INPP4B: variants seen among roughly 807,000 people sequenced by gnomAD.
The protein encoded by INPP4B is inositol polyphosphate-4-phosphatase type II B, also known as inositol polyphosphate 4-phosphatase type II.
A neutral mutation model predicts 122.5 loss-of-function variants in INPP4B; 55 were observed. The observed-to-expected ratio is 0.45, with a 90% confidence interval of 0.36 to 0.56. The LOEUF (loss-of-function observed/expected upper bound fraction) is 0.56, where lower values mean the gene tolerates loss of function less well. Ranked by LOEUF, INPP4B falls within the 20% of genes least tolerant of loss-of-function variation. INPP4B has a pLI of 0.00. For synonymous variants in INPP4B, 403 were observed against 388.7 expected (o/e 1.04, Z -0.43); for missense variants, 1,000 against 1,097.7 (o/e 0.91, Z 1.26).
rs998151913 is a variant in INPP4B, at chr4:142,260,461, G to C, written c.688+31C>G. On this transcript the variant is annotated intron_variant, in intron 11 of 25. Transcript: ENST00000262992. Reference sequence around the variant, plus strand: ...ATAAAATTAAAATTCATTTTTGCATGAAACTAAGTATTTAAAACTGAGTTA... The same window carrying C: ...ATAAAATTAAAATTCATTTTTGCATCAAACTAAGTATTTAAAACTGAGTTA... The C allele has an allele frequency of 4.7e-6, 6 of 1,289,662 alleles. No individual in the cohort carries two copies. The African/African-American group carries it at 8.9e-5, about 19-fold the overall frequency. The allele number at this position is 1,289,662 out of a possible 1,614,324, so 79.9% of individuals were successfully genotyped here.
intron 25 of INPP4B, among the ~76,000 whole-genome samples, chr4:142,046,684 TTACTC>T (rs1286727496): frequency 1.3e-5 from 2 of 152,092 alleles, no homozygotes; most frequent in Non-Finnish European, 2.9e-5. Context: ...AATTTTAAAA[TTACTC>T]TGTATGTACT....
chr4:142,404,222 T>C (rs577634392), intron 6 of INPP4B, among the ~76,000 whole-genome samples: 1 of 152,292 alleles, frequency 6.6e-6, no homozygotes, highest in African/African-American at 2.4e-5. Flanking sequence ...ATCTGGGTCA[T>C]TCCCATTATA....
intron 16 of INPP4B, among the ~76,000 whole-genome samples, chr4:142,167,818 T>A (rs1318072371): frequency 6.6e-6 from 1 of 151,690 alleles, no homozygotes; most frequent in Non-Finnish European, 1.5e-5. Flanking sequence ...CCTATTCTTT[T>A]GTGTACATTC....
At chr4:142,187,782 G>T (rs994450556) in intron 15 of INPP4B, among the ~76,000 whole-genome samples, 6 of 152,104 alleles carry the variant, frequency 3.9e-5, no homozygotes, top group African/African-American at 1.4e-4. Flanking sequence ...TTTTTGTAGA[G>T]ACAGGGTTTT....
At chr4:142,377,327 A>C (rs1338458092) in intron 7 of INPP4B, among the ~76,000 whole-genome samples, 2 of 139,140 alleles carry the variant, frequency 1.4e-5, no homozygotes, top group Non-Finnish European at 3.1e-5. Context: ...GAGGAAAGTT[A>C]AAAAAAAAAA....
At chr4:142,474,752 T>G (rs548979992) in intron 2 of INPP4B, among the ~76,000 whole-genome samples, 1 of 152,224 alleles carries the variant, frequency 6.6e-6, no homozygotes, top group South Asian at 2.1e-4. Flanking sequence ...AGCCACCTGT[T>G]GTCTGGAGAA....
chr4:142,787,841 A>C (rs1371537224), intron 1 of INPP4B, among the ~76,000 whole-genome samples: 1 of 152,086 alleles, frequency 6.6e-6, no homozygotes, highest in Non-Finnish European at 1.5e-5. Flanking sequence ...AGTAAATATA[A>C]CTGTTATAAA....
At chr4:142,826,993 C>T (rs1286609619) in intron 1 of INPP4B, among the ~76,000 whole-genome samples, 1 of 152,150 alleles carries the variant, frequency 6.6e-6, no homozygotes, top group East Asian at 1.9e-4. Flanking sequence ...AGTCATCTTC[C>T]CCACCATTGT....
intron 2 of INPP4B, among the ~76,000 whole-genome samples, chr4:142,510,440 A>C (rs1477543730): frequency 6.6e-6 from 1 of 152,234 alleles, no homozygotes; most frequent in Non-Finnish European, 1.5e-5. Context: ...AATAAAGAAC[A>C]AACATAAATT....
intron 7 of INPP4B, among the ~76,000 whole-genome samples, chr4:142,344,037 A>C (rs1779512655): frequency 6.6e-6 from 1 of 152,246 alleles, no homozygotes; most frequent in Non-Finnish European, 1.5e-5. Context: ...TTTCCTGTGC[A>C]TTCAAGATGT....
At chr4:142,049,484 A>G (rs1753317340) in intron 25 of INPP4B, among the ~76,000 whole-genome samples, 1 of 152,096 alleles carries the variant, frequency 6.6e-6, no homozygotes, top group Non-Finnish European at 1.5e-5. Context: ...TTATGACTCA[A>G]GCTGAGAAAT....
At chr4:142,266,419 G>T (rs1742851696) in intron 10 of INPP4B, among the ~76,000 whole-genome samples, 1 of 152,004 alleles carries the variant, frequency 6.6e-6, no homozygotes, top group Non-Finnish European at 1.5e-5. Context: ...TAGCAGAGAA[G>T]ACCCTAGCCT....
chr4:142,644,306 A>AAGG (rs550299121), intron 2 of INPP4B, among the ~76,000 whole-genome samples: 2 of 149,074 alleles, frequency 1.3e-5, no homozygotes, highest in Admixed American at 6.7e-5. Context: ...AGAGGAGGAG[A>AAGG]AGGAGGAGGA....
chr4:142,300,852 G>A lies in INPP4B; in HGVS notation c.503+4606C>T, dbSNP rs1404230538. Among the ~76,000 whole-genome samples the A allele has an allele frequency of 2.6e-5, 4 of 152,048 alleles. No homozygotes were observed. The East Asian group carries it at 7.7e-4, about 29-fold the overall frequency. On this transcript the variant is annotated intron_variant, in intron 9 of 25. Transcript: ENST00000262992. ...ATGTGGTAGAAGTAATAAATGAAAAGCATAGTCCCTTCGTATGAATAAATA... is the reference window on the plus strand; with the variant it reads ...ATGTGGTAGAAGTAATAAATGAAAAACATAGTCCCTTCGTATGAATAAATA...
chr4:142,525,003 C>A (rs1391154345), intron 2 of INPP4B, among the ~76,000 whole-genome samples: 4 of 151,516 alleles, frequency 2.6e-5, no homozygotes, highest in Admixed American at 2.6e-4. Context: ...TGTCTCAGCC[C>A]AAAATCTCCT....
intron 2 of INPP4B, among the ~76,000 whole-genome samples, chr4:142,536,433 T>G (rs950585192): frequency 6.6e-6 from 1 of 152,222 alleles, no homozygotes; most frequent in African/African-American, 2.4e-5. Context: ...TTAATTCAGC[T>G]GATAATTAAC....
chr4:142,350,723 G>A (rs1781692768), intron 7 of INPP4B, among the ~76,000 whole-genome samples: 1 of 151,940 alleles, frequency 6.6e-6, no homozygotes, highest in Non-Finnish European at 1.5e-5. Context: ...AAATGTTAAT[G>A]AAAATAAAAT....
At chr4:142,350,883 C>T (rs1036472518) in intron 7 of INPP4B, among the ~76,000 whole-genome samples, 4 of 152,004 alleles carry the variant, frequency 2.6e-5, no homozygotes, top group African/African-American at 9.7e-5. Context: ...ACTCTCAAAA[C>T]CATGTTTATC....
intron 3 of INPP4B, among the ~76,000 whole-genome samples, chr4:142,447,113 C>T (rs755360153): frequency 3.9e-5 from 6 of 152,004 alleles, no homozygotes; most frequent in Admixed American, 6.6e-5. Context: ...TGAAGCAGTG[C>T]GGTAGGAGCA....
Sources: gnomAD v4.1 joint callset for allele counts (sites outside exome capture counted in the v4.1 genomes callset) on GRCh38, gnomAD v4.1.1 for gene constraint, MANE v1.5 for transcripts, NCBI Gene and HGNC (gene_info 2026-07-23, HGNC 2026-07-21) for gene names.